GRIK4: variants seen among roughly 807,000 people sequenced by gnomAD.
The protein encoded by GRIK4 is glutamate ionotropic receptor kainate type subunit 4.
GRIK4 carries 40 observed loss-of-function variants against 104.9 expected under a neutral mutation model. The ratio of observed to expected loss-of-function variants is 0.38; its 90% confidence interval spans 0.30 to 0.50. GRIK4 has a LOEUF of 0.50. Ranked by LOEUF, GRIK4 falls within the 20% of genes least tolerant of loss-of-function variation. GRIK4 has a pLI of 0.93. For missense variants in GRIK4, 1,047 were observed against 1,308.1 expected (o/e 0.80, Z 3.08); for synonymous variants, 485 against 524.9 (o/e 0.92, Z 1.04).
At chr11:120,597,226 C>T (rs1948814969) in intron 1 of GRIK4, among the ~76,000 whole-genome samples, 1 of 152,230 alleles carries the variant, frequency 6.6e-6, no homozygotes, top group African/African-American at 2.4e-5. Context: ...GGGGCCGCTC[C>T]CTCTCCACCT....
intron 13 of GRIK4, among the ~76,000 whole-genome samples, chr11:120,917,602 T>C (rs1191739704): frequency 6.6e-6 from 1 of 152,196 alleles, no homozygotes; most frequent in African/African-American, 2.4e-5. Flanking sequence ...GAGAGCAGTC[T>C]CCAGGCCCAG....
intron 13 of GRIK4, among the ~76,000 whole-genome samples, chr11:120,923,080 G>T (rs889987909): frequency 6.6e-6 from 1 of 152,232 alleles, no homozygotes; most frequent in Non-Finnish European, 1.5e-5. Context: ...AGGCCTGGCT[G>T]GCTGTCAGAG....
chr11:120,925,870 A>G (rs1263787309), intron 13 of GRIK4, among the ~76,000 whole-genome samples: 1 of 151,706 alleles, frequency 6.6e-6, no homozygotes, highest in African/African-American at 2.4e-5. Context: ...GCTACTCAGG[A>G]GGCTGAGGCA....
chr11:120,516,740 C>G (rs1287839599), intron 1 of GRIK4, among the ~76,000 whole-genome samples: 1 of 152,098 alleles, frequency 6.6e-6, no homozygotes, highest in Admixed American at 6.5e-5. Flanking sequence ...ATGAAGGAGC[C>G]GGAAGTGTCA....
At chr11:120,908,148 G>C (rs1355409014) in intron 13 of GRIK4, among the ~76,000 whole-genome samples, 16 of 152,174 alleles carry the variant, frequency 1.1e-4, no homozygotes, top group Admixed American at 1.0e-3. Flanking sequence ...CCCTTATACA[G>C]ATGAGGAAAT....
At chr11:120,651,067 G>A (rs776570445) in intron 1 of GRIK4, among the ~76,000 whole-genome samples, 8 of 152,106 alleles carry the variant, frequency 5.3e-5, no homozygotes, top group Non-Finnish European at 7.4e-5. Context: ...TTGGGAATGG[G>A]GTTGATCTGG....
intron 6 of GRIK4, among the ~76,000 whole-genome samples, chr11:120,824,242 A>C (rs951094155): frequency 6.6e-6 from 1 of 152,206 alleles, no homozygotes; most frequent in Non-Finnish European, 1.5e-5. Context: ...AATGGGAAAA[A>C]AAGAACATTT....
intron 3 of GRIK4, among the ~76,000 whole-genome samples, chr11:120,763,497 T>A (rs941703613): frequency 1.1e-4 from 16 of 152,112 alleles, no homozygotes; most frequent in African/African-American, 3.4e-4. Flanking sequence ...TTTGAATTTG[T>A]TTGCTCTTGC....
At chr11:120,888,753 T>C (rs1295165429) in intron 11 of GRIK4, among the ~76,000 whole-genome samples, 3 of 152,184 alleles carry the variant, frequency 2.0e-5, no homozygotes, top group Non-Finnish European at 4.4e-5. Context: ...AAACCAAAGC[T>C]TGTGAAACAA....
At chr11:120,536,270 G>C (rs546870046) in intron 1 of GRIK4, among the ~76,000 whole-genome samples, 1 of 152,232 alleles carries the variant, frequency 6.6e-6, no homozygotes, top group Non-Finnish European at 1.5e-5. Flanking sequence ...AGAGGAGCTC[G>C]CGGGGCTGGC....
intron 3 of GRIK4, among the ~76,000 whole-genome samples, chr11:120,756,772 G>C (rs1951661019): frequency 6.6e-6 from 1 of 152,168 alleles, no homozygotes; most frequent in Admixed American, 6.5e-5. Context: ...ATAAGTATAG[G>C]GGAGCATCCA....
intron 11 of GRIK4, chr11:120,894,464 GA>G (rs1942513107): frequency 6.6e-6 from 1 of 152,248 alleles, no homozygotes; most frequent in Admixed American, 6.5e-5. Context: ...CATCAGCCCA[GA>G]GGGGTGCTTT....
At chr11:120,581,348 A>G (rs1289988785) in intron 1 of GRIK4, among the ~76,000 whole-genome samples, 2 of 152,240 alleles carry the variant, frequency 1.3e-5, no homozygotes, top group African/African-American at 4.8e-5. Context: ...GTTTCAGAAG[A>G]CAGCCTCTTG....
intron 3 of GRIK4, among the ~76,000 whole-genome samples, chr11:120,802,486 GA>G (rs1952638474): frequency 6.6e-6 from 1 of 152,086 alleles, no homozygotes; most frequent in Admixed American, 6.5e-5. Flanking sequence ...ATCCACATTA[GA>G]ATTCACTTCT....
At chr11:120,633,264 T>C (rs1396197594) in intron 1 of GRIK4, among the ~76,000 whole-genome samples, 1 of 152,206 alleles carries the variant, frequency 6.6e-6, no homozygotes, top group Non-Finnish European at 1.5e-5. Context: ...TAAATGGCCA[T>C]GTCAGGCTTT....
intron 3 of GRIK4, among the ~76,000 whole-genome samples, chr11:120,665,630 T>G (rs1289702499): frequency 6.6e-6 from 1 of 152,232 alleles, no homozygotes; most frequent in Non-Finnish European, 1.5e-5. Flanking sequence ...GTTTGCAAAC[T>G]TCTCTTCCCC....
intron 3 of GRIK4, among the ~76,000 whole-genome samples, chr11:120,710,997 T>TCGGGG (rs1555046760): frequency 1.4e-4 from 18 of 124,916 alleles, no homozygotes; most frequent in South Asian, 8.2e-4. Flanking sequence ...CCCTGTGAGG[T>TCGGGG]GGGGAGGGGG....
At chr11:120,732,662 T>G (rs1044202094) in intron 3 of GRIK4, among the ~76,000 whole-genome samples, 6 of 152,328 alleles carry the variant, frequency 3.9e-5, no homozygotes, top group African/African-American at 1.4e-4. Flanking sequence ...TTCCTCTTGT[T>G]ATTGATTTGT....
chr11:120,974,055 A>G (rs927216110), intron 19 of GRIK4, among the ~76,000 whole-genome samples: 1 of 151,952 alleles, frequency 6.6e-6, no homozygotes, highest in East Asian at 1.9e-4. Flanking sequence ...TTACAGGCGC[A>G]TGCCACCACA....
Sources: allele counts gnomAD v4.1 joint callset (sites outside exome capture counted in the v4.1 genomes callset), GRCh38; gene constraint gnomAD v4.1.1; transcripts MANE v1.5; gene names NCBI Gene and HGNC (gene_info 2026-07-23, HGNC 2026-07-21).